The following SPATA7 variants were observed in gnomAD, a reference collection of about 807,000 sequenced individuals.
The protein encoded by SPATA7 is spermatogenesis-associated protein 7.
In SPATA7, 43 loss-of-function variants were observed where a neutral mutation model predicts 51.8. That is an observed-to-expected ratio of 0.83 (90% CI 0.65 to 1.07). The LOEUF (loss-of-function observed/expected upper bound fraction) is 1.07. Ranked by LOEUF, SPATA7 falls within the 50% of genes least tolerant of loss-of-function variation. The pLI, the probability that SPATA7 is intolerant of heterozygous loss-of-function variation, is 0.00. For missense variants in SPATA7, 683 were observed against 701.3 expected, an observed-to-expected ratio of 0.97 and a Z score of 0.30; for synonymous variants, 230 against 252.8, an observed-to-expected ratio of 0.91 and a Z score of 0.86.
At chr14:88,439,407 T>G (rs904783670), downstream of SPATA7, among the ~76,000 whole-genome samples, 1 of 152,178 alleles carries the variant, frequency 6.6e-6, no homozygotes, top group African/African-American at 2.4e-5. Context: ...GCCCAGCAGA[T>G]TCATCTCTAA....
At chr14:88,470,298 A>G in exon 5 of SPATA7, 1 of 488,632 alleles carries the variant, frequency 2.0e-6, no homozygotes. Context: ...AACCTGTTTA[A>G]CCTTGCTGAA....
intron 4 of SPATA7, among the ~76,000 whole-genome samples, chr14:88,400,304 A>C (rs1017070589): frequency 1.3e-5 from 2 of 152,206 alleles, no homozygotes; most frequent in Admixed American, 1.3e-4. Flanking sequence ...ATATACCAAA[A>C]CTTACAGAAT....
chr14:88,407,006 AAT>A (rs1239548372), intron 4 of SPATA7, among the ~76,000 whole-genome samples: 2 of 152,086 alleles, frequency 1.3e-5, no homozygotes, highest in African/African-American at 4.8e-5. Flanking sequence ...TCCAGAAAGA[AAT>A]ATACCCATTG....
downstream of SPATA7, among the ~76,000 whole-genome samples, chr14:88,457,986 A>G (rs913031829): frequency 6.6e-6 from 1 of 152,102 alleles, no homozygotes; most frequent in African/African-American, 2.4e-5. Flanking sequence ...TGAGATAATC[A>G]TGTGGTTTTT....
intron 4 of SPATA7, chr14:88,415,222 T>C (rs1266316412): frequency 2.9e-6 from 1 of 350,044 alleles, no homozygotes; most frequent in Admixed American, 2.6e-5. Flanking sequence ...AGTACTTGTA[T>C]GAATCTGGGT....
chr14:88,413,806 T>C (rs1189571485), intron 4 of SPATA7, among the ~76,000 whole-genome samples: 1 of 152,124 alleles, frequency 6.6e-6, no homozygotes, highest in African/African-American at 2.4e-5. Context: ...TCTGTTGAGA[T>C]GATCATAAGG....
chr14:88,421,491 A>T (rs1236768622), intron 5 of SPATA7, among the ~76,000 whole-genome samples: 1 of 152,138 alleles, frequency 6.6e-6, no homozygotes, highest in African/African-American at 2.4e-5. Flanking sequence ...GCCATAGACC[A>T]GTTTTTAGTT....
intron 4 of SPATA7, among the ~76,000 whole-genome samples, chr14:88,404,956 G>GCAAATA (rs1566759350): frequency 6.6e-6 from 1 of 152,036 alleles, no homozygotes; most frequent in Non-Finnish European, 1.5e-5. Context: ...CAAACAATAA[G>GCAAATA]CAAATACAAA....
intron 3 of SPATA7, among the ~76,000 whole-genome samples, chr14:88,454,641 C>T (rs1018012156): frequency 1.3e-5 from 2 of 151,380 alleles, no homozygotes; most frequent in Non-Finnish European, 2.9e-5. Context: ...ACCCCATCTA[C>T]ACACACACAC....
intron 5 of SPATA7, among the ~76,000 whole-genome samples, chr14:88,419,261 T>G (rs1264680144): frequency 6.6e-6 from 1 of 152,140 alleles, no homozygotes; most frequent in Non-Finnish European, 1.5e-5. Flanking sequence ...AATACAGATT[T>G]AGAAAATCCT....
At chr14:88,403,829 C>G (rs1199361340) in intron 4 of SPATA7, among the ~76,000 whole-genome samples, 5 of 152,036 alleles carry the variant, frequency 3.3e-5, no homozygotes, top group Non-Finnish European at 5.9e-5. Flanking sequence ...ATCTAATGTA[C>G]AGCATTAATT....
chr14:88,433,149 T>G lies in SPATA7; in HGVS notation c.1097T>G (p.Leu366Trp). 6.2e-7 allele frequency: 1 copy of G among 1,611,742 alleles called. No homozygotes were observed. The highest frequency in any genetic ancestry group is 1.1e-5 in the South Asian group (1 of 91,000). ...TCCTTTTACAGTGAAGAAGAACTGT[T>G]GTATCTGAGTTTCATTGAAGATGTA... ...RKIYSDEEEL[L>W]YLSFIEDVTD... Residue 366 changes from leucine (L) to tryptophan (W), a missense_variant, in exon 10 of 12, where the codon TTG becomes TGG. Coordinates refer to ENST00000393545, the MANE Select transcript of SPATA7 (RefSeq NM_018418.5).
chr14:88,394,317 G>A (rs1056277124), intron 3 of SPATA7, among the ~76,000 whole-genome samples: 4 of 152,064 alleles, frequency 2.6e-5, no homozygotes, highest in African/African-American at 4.8e-5. Context: ...GTCCTTTGCC[G>A]TCAGTCCCCT....
At chr14:88,467,592 AC>A (rs976808603) in intron 4 of SPATA7, 2 of 152,320 alleles carry the variant, frequency 1.3e-5, no homozygotes, top group African/African-American at 4.8e-5. Flanking sequence ...TGGCAACTAA[AC>A]CATTATTAAG....
At position 88,469,916 on chromosome 14, in the gene SPATA7, A is replaced by G; in HGVS notation, c.*49A>G. Reference sequence around the variant, plus strand: ...AGAAAATCACTTAAGAGAAATAAGTACCTACCTCTTCTGCTGTCACCATTG... The same window carrying G: ...AGAAAATCACTTAAGAGAAATAAGTGCCTACCTCTTCTGCTGTCACCATTG... On this transcript the variant is annotated 3_prime_UTR_variant, in exon 5 of 5. Transcript: ENST00000556406. The surrounding 1 kb of genome is among the most constrained non-coding windows in gnomAD (Gnocchi z 4.3). The G allele has an allele frequency of 6.2e-7, 1 of 1,613,946 alleles. No homozygotes were observed. Among genetic ancestry groups the G allele is most frequent in the Non-Finnish European group, 8.5e-7 (1 of 1,179,976 alleles).
At position 88,469,972 on chromosome 14, in the gene SPATA7, T is replaced by C. The variant is rs1399138580; in HGVS notation, c.*105T>C. ...ATTGCAATTCCCTGTTCCCATACCA[T>C]CTGCCAAAAATCTTGACAGGTATTC... On this transcript the variant is annotated 3_prime_UTR_variant, in exon 5 of 5. Transcript: ENST00000556406. The surrounding 1 kb of genome is among the most constrained non-coding windows in gnomAD (Gnocchi z 4.3). 1.9e-6 allele frequency: 3 copies of C among 1,614,080 alleles called. No homozygotes were observed. The highest frequency in any genetic ancestry group is 2.2e-5 in the South Asian group (2 of 91,080).
downstream of SPATA7, among the ~76,000 whole-genome samples, chr14:88,443,254 G>A (rs1265515844): frequency 1.3e-5 from 2 of 152,000 alleles, no homozygotes; most frequent in African/African-American, 2.4e-5. Context: ...ATTTTTGTTG[G>A]TAATTTTTAA....
intron 3 of SPATA7, among the ~76,000 whole-genome samples, chr14:88,394,504 T>G (rs1322173828): frequency 6.6e-6 from 1 of 152,220 alleles, no homozygotes; most frequent in Non-Finnish European, 1.5e-5. Flanking sequence ...TTTGTATTGT[T>G]AAGGAGTATT....
Position 88,385,811 on chromosome 14 carries a change from G to T in SPATA7, c.-8G>T, listed in dbSNP as rs1163345660. ...CGTGTCCCTGCGGCGGCTGCAAGAGGACTAAGCATGGATGGCAGCCGGAGA... is the reference window on the plus strand; with the variant it reads ...CGTGTCCCTGCGGCGGCTGCAAGAGTACTAAGCATGGATGGCAGCCGGAGA... On this transcript the variant is annotated 5_prime_UTR_variant, in exon 1 of 12. Transcript: ENST00000393545. 2 of 1,606,430 alleles carry T rather than the reference G, an allele frequency of 1.2e-6. No individual in the cohort carries two copies. Among genetic ancestry groups the T allele is most frequent in the African/African-American group, 2.7e-5 (2 of 74,906 alleles).
Sources: allele counts gnomAD v4.1 joint callset (sites outside exome capture counted in the v4.1 genomes callset), GRCh38; gene constraint gnomAD v4.1.1; non-coding constraint Gnocchi (gnomAD v3.1); transcripts MANE v1.5; gene names NCBI Gene and HGNC (gene_info 2026-07-23, HGNC 2026-07-21).